STRN: variants seen among roughly 807,000 people sequenced by gnomAD.
STRN encodes the protein protein phosphatase 2 regulatory subunit B'''alpha.
A neutral mutation model predicts 96.3 loss-of-function variants in STRN; 53 were observed. The ratio of observed to expected loss-of-function variants is 0.55; its 90% CI spans 0.44 to 0.69. STRN has a LOEUF of 0.69. Ranked by LOEUF, STRN falls within the 30% of genes least tolerant of loss-of-function variation. The pLI, the probability that STRN is intolerant of heterozygous loss-of-function variation, is 0.00. For synonymous variants in STRN, 428 were observed against 355.9 expected (o/e 1.20, Z -2.28); for missense variants, 987 against 963.9 (o/e 1.02, Z -0.32).
At chr2:36,955,896 T>C (rs367666135) in intron 1 of STRN, among the ~76,000 whole-genome samples, 1 of 152,348 alleles carries the variant, frequency 6.6e-6, no homozygotes, top group East Asian at 1.9e-4. Context: ...ATGTTTCATA[T>C]ATACCCTATA....
At chr2:36,917,538 G>GAAA (rs576754026) in intron 2 of STRN, among the ~76,000 whole-genome samples, 3 of 88,682 alleles carry the variant, frequency 3.4e-5, no homozygotes, top group African/African-American at 1.0e-4. Flanking sequence ...ACAAAAAAAA[G>GAAA]AAAAAAAAAA....
intron 1 of STRN, among the ~76,000 whole-genome samples, chr2:36,965,234 C>T (rs1027409397): frequency 3.9e-5 from 6 of 152,222 alleles, no homozygotes; most frequent in Admixed American, 6.5e-5. Context: ...CAGGCTTAGC[C>T]CGTAAAACAG....
chr2:36,913,581 A>C lies in STRN; in HGVS notation c.412+2497T>G, dbSNP rs528931775. ...AGCACTTATTATTTATCCATTATACATGTCATATGTCATTGTAATCACTTC... is the reference window on the plus strand; with the variant it reads ...AGCACTTATTATTTATCCATTATACCTGTCATATGTCATTGTAATCACTTC... On this transcript the variant is annotated intron_variant, in intron 3 of 17. Coordinates refer to ENST00000263918, the MANE Select transcript of STRN (RefSeq NM_003162.4). Among the ~76,000 whole-genome samples, 3 of 150,410 alleles carry C rather than the reference A, an allele frequency of 2.0e-5. No homozygotes were observed. The South Asian group carries it at 6.2e-4, about 31-fold the overall frequency.
chr2:36,952,323 C>G (rs1178056176), intron 1 of STRN, among the ~76,000 whole-genome samples: 1 of 152,124 alleles, frequency 6.6e-6, no homozygotes, highest in Non-Finnish European at 1.5e-5. Flanking sequence ...ACGAAGCTTC[C>G]TTGTGCCTGG....
intron 10 of STRN, among the ~76,000 whole-genome samples, chr2:36,874,210 G>C (rs1350638288): frequency 6.6e-6 from 1 of 151,238 alleles, no homozygotes; most frequent in African/African-American, 2.4e-5. Context: ...CTTGCAGTCA[G>C]CTAAGATCGC....
intron 13 of STRN, 95 bp from the exon 14 acceptor site, chr2:36,858,118 G>A: frequency 1.1e-6 from 1 of 926,924 alleles, no homozygotes. Context: ...AATAGCACCT[G>A]ATAACAGTAT....
intron 1 of STRN, among the ~76,000 whole-genome samples, chr2:36,957,917 ATTTTTTTTT>A (rs1188068591): frequency 1.1e-5 from 1 of 90,414 alleles, no homozygotes; most frequent in African/African-American, 4.4e-5. Flanking sequence ...CGCCCAGCTA[ATTTTTTTTT>A]TTTTTTTTTT....
Position 36,964,412 on chromosome 2 carries a change from C to T in STRN, c.234+1818G>A, listed in dbSNP as rs533902373. Among the ~76,000 whole-genome samples the T allele has an allele frequency of 3.2e-4, 48 of 152,174 alleles. 1 individual carries two copies. The South Asian group carries it at 3.3e-3, about 11-fold the overall frequency. Reference sequence around the variant, plus strand: ...AGTTAAACTTTGCCTTTAACATTTCCTTGAATCCTGAAATCCACACCTTTT... The same window carrying T: ...AGTTAAACTTTGCCTTTAACATTTCTTTGAATCCTGAAATCCACACCTTTT... On this transcript the variant is annotated intron_variant, in intron 1 of 17. Transcript: ENST00000263918.
In STRN at chr2:36,837,939, T is replaced by C. The variant is rs1015152050; in HGVS notation, c.*11517A>G. On this transcript the variant is annotated 3_prime_UTR_variant, in exon 18 of 18. Coordinates refer to ENST00000263918, the MANE Select transcript of STRN (RefSeq NM_003162.4). ...AAAGTATAACTACGAATATTTGTGGTAGGCAGAATTCTAAGATGGCCCCCA... is the reference window on the plus strand; with the variant it reads ...AAAGTATAACTACGAATATTTGTGGCAGGCAGAATTCTAAGATGGCCCCCA... Among the ~76,000 whole-genome samples, 1 of 152,196 alleles carries C rather than the reference T, an allele frequency of 6.6e-6. No homozygotes were observed. The highest frequency in any genetic ancestry group is 2.4e-5 in the African/African-American group (1 of 41,448).
intron 2 of STRN, among the ~76,000 whole-genome samples, chr2:36,921,790 C>T (rs1230585967): frequency 9.2e-5 from 14 of 152,060 alleles, no homozygotes; most frequent in Non-Finnish European, 1.0e-4. Context: ...AGAGATCTTT[C>T]CAGTCCACCC....
At chr2:36,930,160 G>A (rs1012943234) in intron 1 of STRN, among the ~76,000 whole-genome samples, 23 of 152,244 alleles carry the variant, frequency 1.5e-4, no homozygotes, top group Middle Eastern at 3.4e-3. Flanking sequence ...GGCTAGGCGC[G>A]GTGGTTCATG....
Position 36,902,810 on chromosome 2 carries a change from T to C in STRN, c.492-59A>G. 13 of 1,383,840 alleles carry C rather than the reference T, an allele frequency of 9.4e-6. 1 individual carries two copies. The highest frequency in any genetic ancestry group is 1.3e-5 in the Non-Finnish European group (13 of 1,021,406). The allele number at this position is 1,383,840 out of a possible 1,614,324, so 85.7% of individuals were successfully genotyped here. The stretch of plus-strand genomic sequence containing the variant: ...CTGGAATCAGTATTCTATAATTTAA[T>C]ATGTAAATAAAAGTATTTATTTAAA... On this transcript the variant is annotated intron_variant, in intron 4 of 17. Coordinates refer to ENST00000263918, the MANE Select transcript of STRN (RefSeq NM_003162.4).
Position 36,905,629 on chromosome 2 carries a change from T to G in STRN, c.413-11A>C. On this transcript the variant is annotated splice_polypyrimidine_tract_variant and intron_variant, in intron 3 of 17. Transcript: ENST00000263918. ...TTTCATTACCTTCATCTAGAAAACATTAAGTCATAATAAAACTGACTTGTT... is the reference window on the plus strand; with the variant it reads ...TTTCATTACCTTCATCTAGAAAACAGTAAGTCATAATAAAACTGACTTGTT... 6.2e-7 allele frequency: 1 copy of G among 1,611,764 alleles called. No homozygotes were observed.
At chr2:36,890,085 T>C (rs1355418070) in intron 7 of STRN, among the ~76,000 whole-genome samples, 1 of 152,222 alleles carries the variant, frequency 6.6e-6, no homozygotes, top group Non-Finnish European at 1.5e-5. Flanking sequence ...TCTATGCAGA[T>C]GTGTGATTCC....
At chr2:36,965,160 C>A (rs1475370420) in intron 1 of STRN, among the ~76,000 whole-genome samples, 3 of 152,192 alleles carry the variant, frequency 2.0e-5, no homozygotes, top group Admixed American at 1.3e-4. Flanking sequence ...AAGTGACACA[C>A]TGGGTAGCAT....
intron 10 of STRN, among the ~76,000 whole-genome samples, chr2:36,870,336 T>A (rs1280949829): frequency 6.7e-6 from 1 of 150,028 alleles, no homozygotes; most frequent in Admixed American, 6.6e-5. Context: ...TCCAATTACA[T>A]AACAGAAAAG....
intron 10 of STRN, among the ~76,000 whole-genome samples, chr2:36,870,004 A>C (rs1001191770): frequency 1.3e-5 from 2 of 152,200 alleles, no homozygotes; most frequent in Non-Finnish European, 2.9e-5. Flanking sequence ...AATAGATCTT[A>C]CTAGGATGAT....
chr2:36,905,191 A>G (rs1323167691), intron 4 of STRN, among the ~76,000 whole-genome samples: 9 of 151,934 alleles, frequency 5.9e-5, no homozygotes, highest in Non-Finnish European at 1.2e-4. Context: ...CTGGTCTCAA[A>G]CTCCTGACTT....
chr2:36,860,666 T>G (rs1306566450), intron 13 of STRN, among the ~76,000 whole-genome samples: 2 of 152,218 alleles, frequency 1.3e-5, no homozygotes, highest in Non-Finnish European at 2.9e-5. Flanking sequence ...GGGTACTTCT[T>G]AACTTCTGAG....
Sources: gnomAD v4.1 joint callset for allele counts (sites outside exome capture counted in the v4.1 genomes callset) on GRCh38, gnomAD v4.1.1 for gene constraint, MANE v1.5 for transcripts, NCBI Gene and HGNC (gene_info 2026-07-23, HGNC 2026-07-21) for gene names.